The following HLCS variants were observed in gnomAD, a reference collection of about 807,000 sequenced individuals.
HLCS encodes the protein holocarboxylase synthetase, also known as biotin--protein ligase.
HLCS carries 53 observed loss-of-function variants against 75.0 expected under a neutral mutation model. The ratio of observed to expected loss-of-function variants is 0.71; its 90% CI spans 0.57 to 0.89. HLCS has a LOEUF of 0.89. Ranked by LOEUF, HLCS falls within the 40% of genes least tolerant of loss-of-function variation. The pLI, the probability that HLCS is intolerant of heterozygous loss-of-function variation, is 0.00. For synonymous variants in HLCS, 431 were observed against 428.6 expected (o/e 1.01, Z -0.07); for missense variants, 966 against 1,074.0 (o/e 0.90, Z 1.41).
At chr21:36,944,919 G>A (rs189287927) in intron 2 of HLCS, among the ~76,000 whole-genome samples, 29 of 152,124 alleles carry the variant, frequency 1.9e-4, no homozygotes, top group Admixed American at 5.2e-4. Context: ...TCAGGAGATC[G>A]AGACCATCCT....
At chr21:36,802,055 A>G (rs2061220875) in intron 6 of HLCS, among the ~76,000 whole-genome samples, 1 of 152,220 alleles carries the variant, frequency 6.6e-6, no homozygotes, top group African/African-American at 2.4e-5. Flanking sequence ...ATACACTAAC[A>G]GTAGCAAATA....
chr21:36,764,635 G>A (rs2089969370), intron 8 of HLCS, among the ~76,000 whole-genome samples: 1 of 152,112 alleles, frequency 6.6e-6, no homozygotes, highest in Non-Finnish European at 1.5e-5. Context: ...AGACTGGAAG[G>A]TGGAGGTTGC....
At chr21:36,764,876 G>A in intron 8 of HLCS, 136 bp downstream of exon 8, 1 of 916,296 alleles carries the variant, frequency 1.1e-6, no homozygotes, top group Non-Finnish European at 1.8e-6. Context: ...AACTCCGAGA[G>A]CACTTTGCTG....
intron 6 of HLCS, among the ~76,000 whole-genome samples, chr21:36,770,462 T>G (rs1179987866): frequency 6.6e-6 from 1 of 152,196 alleles, no homozygotes; most frequent in East Asian, 1.9e-4. Context: ...CTACATATAC[T>G]TTTATTCCAA....
intron 8 of HLCS, among the ~76,000 whole-genome samples, chr21:36,764,725 C>T (rs1485225499): frequency 6.6e-6 from 1 of 152,088 alleles, no homozygotes; most frequent in African/African-American, 2.4e-5. Context: ...AATAAATAAA[C>T]AACAACAAAA....
intron 5 of HLCS, among the ~76,000 whole-genome samples, chr21:36,902,114 G>A (rs1219442005): frequency 6.6e-6 from 1 of 152,178 alleles, no homozygotes; most frequent in Non-Finnish European, 1.5e-5. Context: ...AGCAGTTTGA[G>A]AGGCGTGATG....
intron 6 of HLCS, among the ~76,000 whole-genome samples, chr21:36,780,534 A>C (rs1370703156): frequency 6.6e-6 from 1 of 152,150 alleles, no homozygotes; most frequent in East Asian, 1.9e-4. Flanking sequence ...TTCTTCTTAA[A>C]GCTGAGCAGA....
At chr21:36,912,978 C>T (rs1203120535) in intron 5 of HLCS, among the ~76,000 whole-genome samples, 1 of 152,198 alleles carries the variant, frequency 6.6e-6, no homozygotes, top group East Asian at 1.9e-4. Context: ...TTAAGTTCTG[C>T]TTAGGCACCC....
chr21:36,852,962 AAGG>A (rs1347732801), intron 6 of HLCS, among the ~76,000 whole-genome samples: 1 of 152,238 alleles, frequency 6.6e-6, no homozygotes, highest in Non-Finnish European at 1.5e-5. Context: ...AGCACAGAAG[AAGG>A]AGAAGGAGGG....
intron 6 of HLCS, among the ~76,000 whole-genome samples, chr21:36,783,084 C>T (rs573456795): frequency 3.0e-4 from 46 of 152,278 alleles, no homozygotes; most frequent in Admixed American, 1.8e-3. Flanking sequence ...ACAAATGCCT[C>T]AGTCTTTGCT....
intron 6 of HLCS, among the ~76,000 whole-genome samples, chr21:36,812,434 C>T (rs2835463): frequency 0.27 from 40,885 of 152,040 alleles, 5,769 homozygotes; most frequent in Middle Eastern, 0.34. Context: ...AACTGTTAGT[C>T]GCAGAATGAA....
chr21:36,830,401 G>A (rs959043579), intron 6 of HLCS, among the ~76,000 whole-genome samples: 3 of 152,180 alleles, frequency 2.0e-5, no homozygotes, highest in Non-Finnish European at 2.9e-5. Flanking sequence ...CGAGGAATGC[G>A]TGCTTTGTTC....
chr21:36,771,726 C>T (rs1394212804), intron 6 of HLCS, among the ~76,000 whole-genome samples: 2 of 152,072 alleles, frequency 1.3e-5, no homozygotes, highest in East Asian at 1.9e-4. Context: ...TGGCCGGGCG[C>T]GGTGGCTCAC....
intron 6 of HLCS, among the ~76,000 whole-genome samples, chr21:36,780,532 A>G (rs568888042): frequency 2.0e-5 from 3 of 152,220 alleles, no homozygotes; most frequent in African/African-American, 7.2e-5. Flanking sequence ...ATTTCTTCTT[A>G]AAGCTGAGCA....
intron 8 of HLCS, among the ~76,000 whole-genome samples, chr21:36,761,069 G>A (rs991712305): frequency 1.3e-5 from 2 of 152,228 alleles, no homozygotes; most frequent in East Asian, 1.9e-4. Flanking sequence ...GTCTTCCCAC[G>A]TTGCAGGCCG....
intron 6 of HLCS, among the ~76,000 whole-genome samples, chr21:36,834,646 C>G (rs1228733709): frequency 6.6e-6 from 1 of 152,198 alleles, no homozygotes. Flanking sequence ...ACCTCTGCCT[C>G]CTGGGTTCAA....
chr21:36,873,125 TTTTG>T (rs1463964160), intron 6 of HLCS, among the ~76,000 whole-genome samples: 1 of 152,250 alleles, frequency 6.6e-6, no homozygotes, highest in South Asian at 2.1e-4. Flanking sequence ...TCTTCTTTTT[TTTTG>T]TTTGTTTGAG....
At chr21:36,825,112 G>A (rs1368062544) in intron 6 of HLCS, among the ~76,000 whole-genome samples, 2 of 152,204 alleles carry the variant, frequency 1.3e-5, no homozygotes, top group Non-Finnish European at 2.9e-5. Context: ...TATGAGGCCA[G>A]GTGCAGTGGA....
upstream of HLCS, among the ~76,000 whole-genome samples, chr21:36,968,232 A>G (rs562549280): frequency 1.3e-4 from 20 of 152,060 alleles, no homozygotes; most frequent in South Asian, 4.0e-3. Context: ...CGAGCAGTCA[A>G]ACTCCTGCCT....
Sources: gnomAD v4.1 joint callset for allele counts (sites outside exome capture counted in the v4.1 genomes callset) on GRCh38, gnomAD v4.1.1 for gene constraint, MANE v1.5 for transcripts, NCBI Gene and HGNC (gene_info 2026-07-23, HGNC 2026-07-21) for gene names.